The following MARCHF1 variants were observed in gnomAD, a reference collection of about 807,000 sequenced individuals.
The protein encoded by MARCHF1 is membrane associated ring-CH-type finger 1, also known as E3 ubiquitin-protein ligase MARCHF1.
Under a neutral mutation model 54.2 loss-of-function variants are expected in MARCHF1, and 40 were observed. The ratio of observed to expected loss-of-function variants is 0.74; its 90% CI spans 0.57 to 0.96. MARCHF1 has a LOEUF of 0.96. Among genes scored for constraint, MARCHF1 ranks in the 40% least tolerant of loss-of-function variants. The pLI, the probability that MARCHF1 is intolerant of heterozygous loss-of-function variation, is 0.00. For synonymous variants in MARCHF1, 236 were observed against 236.3 expected (o/e 1.00, Z 0.01); for missense variants, 586 against 656.5 (o/e 0.89, Z 1.17).
At chr4:164,373,342 T>G (rs1430902551) in intron 1 of MARCHF1, among the ~76,000 whole-genome samples, 4 of 145,536 alleles carry the variant, frequency 2.7e-5, no homozygotes, top group African/African-American at 1.0e-4. Flanking sequence ...AAAATTAATG[T>G]GAAAAACTAC....
intron 1 of MARCHF1, among the ~76,000 whole-genome samples, chr4:164,114,652 T>C (rs1222427947): frequency 3.3e-5 from 5 of 151,644 alleles, no homozygotes; most frequent in Non-Finnish European, 7.4e-5. Flanking sequence ...GCAATAAGAT[T>C]TACAATGAAA....
chr4:164,092,956 A>C (rs1755335701), intron 2 of MARCHF1, among the ~76,000 whole-genome samples: 1 of 152,166 alleles, frequency 6.6e-6, no homozygotes, highest in Non-Finnish European at 1.5e-5. Context: ...AAGACCACAG[A>C]ATTTAAAACC....
intron 7 of MARCHF1, among the ~76,000 whole-genome samples, chr4:163,597,839 T>G (rs564915003): frequency 8.5e-5 from 13 of 152,308 alleles, no homozygotes; most frequent in African/African-American, 3.1e-4. Context: ...TGTAGCATTT[T>G]GTTTCCATAG....
rs143304273 is a variant in MARCHF1, at chr4:164,295,636, G to A, written c.-323+88234C>T. Among the ~76,000 whole-genome samples, 1,425 of 152,212 alleles carry A rather than the reference G, an allele frequency of 9.4e-3. 7 individuals carry two copies. The highest frequency in any genetic ancestry group is 0.017 in the Middle Eastern group (5 of 294). On this transcript the variant is annotated intron_variant, in intron 1 of 9. Transcript: ENST00000514618. Reference sequence around the variant, plus strand: ...CAATTAAAGTAGAACTATTAAATAGGCTTCAAATTTTTAAGCAACTTGGGC... The same window carrying A: ...CAATTAAAGTAGAACTATTAAATAGACTTCAAATTTTTAAGCAACTTGGGC...
At chr4:164,170,049 C>T (rs888205713) in intron 1 of MARCHF1, among the ~76,000 whole-genome samples, 1 of 152,008 alleles carries the variant, frequency 6.6e-6, no homozygotes, top group African/African-American at 2.4e-5. Flanking sequence ...ATTTTGAAAG[C>T]CAAAATTCTC....
At chr4:164,074,267 T>G (rs1754929187) in intron 2 of MARCHF1, among the ~76,000 whole-genome samples, 1 of 152,188 alleles carries the variant, frequency 6.6e-6, no homozygotes, top group East Asian at 1.9e-4. Context: ...AGTCTGACTG[T>G]CTTTGAGTCT....
chr4:163,530,246 A>T (rs1738300508), intron 9 of MARCHF1: 1 of 151,958 alleles, frequency 6.6e-6, no homozygotes, highest in African/African-American at 2.4e-5. Flanking sequence ...CAAAATAATG[A>T]AACATTGAGT....
At chr4:163,829,121 C>G (rs1748942864) in intron 4 of MARCHF1, 1 of 152,144 alleles carries the variant, frequency 6.6e-6, no homozygotes, top group Admixed American at 6.5e-5. Context: ...CCCAAAAGGG[C>G]AAGGGGAAAG....
chr4:163,678,495 T>G (rs1347498363), intron 5 of MARCHF1, among the ~76,000 whole-genome samples: 1 of 152,162 alleles, frequency 6.6e-6, no homozygotes, highest in African/African-American at 2.4e-5. Context: ...TATAAGGAAG[T>G]TCAAATGTCA....
chr4:163,998,564 A>G (rs1229089108), intron 2 of MARCHF1, among the ~76,000 whole-genome samples: 1 of 151,770 alleles, frequency 6.6e-6, no homozygotes, highest in Non-Finnish European at 1.5e-5. Flanking sequence ...GTTATTAACT[A>G]TAGTCACCAT....
At chr4:163,765,815 G>T (rs924329024) in intron 4 of MARCHF1, among the ~76,000 whole-genome samples, 1 of 125,660 alleles carries the variant, frequency 8.0e-6, no homozygotes, top group East Asian at 2.2e-4. Flanking sequence ...GTGATATACC[G>T]GATTATATAG....
chr4:163,896,016 T>C (rs7660888), intron 3 of MARCHF1, among the ~76,000 whole-genome samples: 146,125 of 152,274 alleles, frequency 0.96, 70,421 homozygotes, highest in East Asian at 1. Context: ...TTTTAAATCA[T>C]TGTTTTGTAA....
intron 1 of MARCHF1, among the ~76,000 whole-genome samples, chr4:164,270,989 T>C (rs1446099684): frequency 2.0e-5 from 3 of 152,240 alleles, no homozygotes; most frequent in African/African-American, 7.2e-5. Context: ...AATAAACTCA[T>C]GTACCATAAT....
chr4:163,870,778 A>T (rs943765475), intron 3 of MARCHF1, among the ~76,000 whole-genome samples: 1 of 152,146 alleles, frequency 6.6e-6, no homozygotes, highest in African/African-American at 2.4e-5. Flanking sequence ...TGTGAAAGTT[A>T]AAAAAGTTGA....
rs149087003 is a variant in MARCHF1, at chr4:164,209,484, T to C, written c.-322-97822A>G. On this transcript the variant is annotated intron_variant, in intron 1 of 9. Coordinates refer to ENST00000514618, the MANE Select transcript of MARCHF1 (RefSeq NM_001394959.1). ...GCACCCAACAAGAGGAGGAGATGGA[T>C]TGATTAGAAGCTAGGTAGTCTCTGA... 4.8e-3 allele frequency among the ~76,000 whole-genome samples: 723 copies of C among 152,138 alleles called. 8 individuals are homozygous for C. Among genetic ancestry groups the C allele is most frequent in the African/African-American group, 0.017 (693 of 41,506 alleles).
At chr4:163,544,921 T>A (rs893293517) in intron 9 of MARCHF1, among the ~76,000 whole-genome samples, 1 of 152,228 alleles carries the variant, frequency 6.6e-6, no homozygotes, top group Non-Finnish European at 1.5e-5. Flanking sequence ...TGAAAACTTA[T>A]AGGGCCCAAT....
intron 1 of MARCHF1, among the ~76,000 whole-genome samples, chr4:164,185,891 C>A (rs772977068): frequency 1.5e-4 from 23 of 151,894 alleles, no homozygotes; most frequent in Non-Finnish European, 2.6e-4. Flanking sequence ...AAGACAAATG[C>A]CAATTTCTGG....
At chr4:164,141,829 G>A (rs762980417) in intron 1 of MARCHF1, among the ~76,000 whole-genome samples, 2 of 152,296 alleles carry the variant, frequency 1.3e-5, no homozygotes, top group African/African-American at 4.8e-5. Context: ...CAAGATGGCC[G>A]AATAGGAACA....
chr4:164,372,221 A>G (rs2110960520), intron 1 of MARCHF1, among the ~76,000 whole-genome samples: 1 of 152,370 alleles, frequency 6.6e-6, no homozygotes, highest in African/African-American at 2.4e-5. Context: ...TCTTTAAGTC[A>G]ATGCAAATGA....
Sources: allele counts gnomAD v4.1 joint callset (sites outside exome capture counted in the v4.1 genomes callset), GRCh38; gene constraint gnomAD v4.1.1; transcripts MANE v1.5; gene names NCBI Gene and HGNC (gene_info 2026-07-23, HGNC 2026-07-21).